SULF1: variants seen among roughly 807,000 people sequenced by gnomAD.
The protein encoded by SULF1 is extracellular sulfatase Sulf-1.
SULF1 carries 46 observed loss-of-function variants against 110.5 expected under a neutral mutation model. The ratio of observed to expected loss-of-function variants is 0.42; its 90% CI spans 0.33 to 0.53. The LOEUF (loss-of-function observed/expected upper bound fraction) is 0.53. SULF1 is among the 20% of genes least tolerant of loss of function. SULF1 has a pLI of 0.12. For missense variants in SULF1, 941 were observed against 1,094.2 expected (o/e 0.86, Z 1.98); for synonymous variants, 371 against 387.1 (o/e 0.96, Z 0.49).
intron 1 of SULF1, among the ~76,000 whole-genome samples, chr8:69,482,383 G>A (rs1233325968): frequency 6.6e-6 from 1 of 151,944 alleles, no homozygotes; most frequent in African/African-American, 2.4e-5. Context: ...ATTTCATTTG[G>A]TTTTGACAAC....
At chr8:69,575,919 G>A (rs778290662) in intron 5 of SULF1, 51 bp from the exon 6 acceptor site, 1 of 1,591,360 alleles carries the variant, frequency 6.3e-7, no homozygotes, top group Admixed American at 1.7e-5. Context: ...AATCGAAATA[G>A]GCATTCATGT....
chr8:69,506,963 G>A (rs985711683), intron 3 of SULF1, among the ~76,000 whole-genome samples: 3 of 152,216 alleles, frequency 2.0e-5, no homozygotes, highest in South Asian at 4.1e-4. Flanking sequence ...TTACTTTGCG[G>A]TGATGCTCTC....
chr8:69,621,048 T>C lies in SULF1; in HGVS notation c.1391T>C (p.Ile464Thr). 1.2e-6 allele frequency: 2 copies of C among 1,609,062 alleles called. No homozygotes were observed. Among genetic ancestry groups the C allele is most frequent in the African/African-American group, 1.3e-5 (1 of 74,962 alleles). Residue 464 changes from isoleucine to threonine, a missense_variant, in exon 14 of 23, where the codon ATT becomes ACT. Transcript: ENST00000402687. The part of the protein sequence containing the change: ...CEQPGQKWQC[I>T]EDTSGKLRIH... Reference sequence around the variant, plus strand: ...TGGCTTTTGCAGAAGTGGCAATGCATTGAGGATACATCTGGCAAGCTTCGA... The same window carrying C: ...TGGCTTTTGCAGAAGTGGCAATGCACTGAGGATACATCTGGCAAGCTTCGA...
intron 1 of SULF1, chr8:69,473,411 ACT>A (rs1371351144): frequency 2.0e-5 from 3 of 152,124 alleles, no homozygotes; most frequent in African/African-American, 7.2e-5. Flanking sequence ...TAAAAGGTAG[ACT>A]CTCTCAAAAT....
intron 3 of SULF1, among the ~76,000 whole-genome samples, chr8:69,541,320 T>G (rs914390931): frequency 2.0e-5 from 3 of 152,198 alleles, no homozygotes; most frequent in Non-Finnish European, 2.9e-5. Context: ...AACATGGCAC[T>G]TCCCCTGAGA....
At chr8:69,495,643 C>T (rs1387982032) in intron 1 of SULF1, 122 bp from the exon 2 acceptor site, 1 of 152,210 alleles carries the variant, frequency 6.6e-6, no homozygotes, top group Admixed American at 6.5e-5. Context: ...ATTTTTACTT[C>T]TTCAGAGACT....
At chr8:69,521,230 C>T (rs559363673) in intron 3 of SULF1, among the ~76,000 whole-genome samples, 1 of 152,202 alleles carries the variant, frequency 6.6e-6, no homozygotes, top group African/African-American at 2.4e-5. Flanking sequence ...ATTTGTTGGG[C>T]ACCTACTACA....
chr8:69,646,868 A>G lies in SULF1; in HGVS notation c.2585+6027A>G, dbSNP rs188025561. ...CCTGAAAAGTAAGCCCTGAATTCAT[A>G]TTATTGTATGACTGAAGTTTGATAA... is the stretch of plus-strand genomic sequence containing the variant. On this transcript the variant is annotated intron_variant, in intron 22 of 22. Transcript: ENST00000402687. Among the ~76,000 whole-genome samples, 23 of 151,396 alleles carry G rather than the reference A, an allele frequency of 1.5e-4. No homozygotes were observed. The East Asian group carries it at 4.3e-3, about 28-fold the overall frequency.
At chr8:69,571,111 C>G (rs780344309) in intron 5 of SULF1, among the ~76,000 whole-genome samples, 41 of 152,216 alleles carry the variant, frequency 2.7e-4, no homozygotes, top group Non-Finnish European at 5.4e-4. Flanking sequence ...AAACCAATAT[C>G]AACATTTTAA....
At chr8:69,642,908 TAATC>T (rs1468262144) in intron 22 of SULF1, among the ~76,000 whole-genome samples, 4 of 152,190 alleles carry the variant, frequency 2.6e-5, no homozygotes, top group African/African-American at 9.6e-5. Flanking sequence ...ATCGGCCAGA[TAATC>T]AATTGTTTCT....
At chr8:69,528,840 T>G (rs940960395) in intron 3 of SULF1, among the ~76,000 whole-genome samples, 1 of 152,190 alleles carries the variant, frequency 6.6e-6, no homozygotes, top group South Asian at 2.1e-4. Flanking sequence ...TAGTTCCCTG[T>G]CTGTTTTAGG....
intron 19 of SULF1, among the ~76,000 whole-genome samples, chr8:69,634,137 A>G (rs1049966505): frequency 1.5e-4 from 23 of 152,144 alleles, no homozygotes; most frequent in Admixed American, 5.2e-4. Context: ...CTTCACCTGT[A>G]TTTGATCTAA....
intron 6 of SULF1, 33 bp from the exon 7 acceptor site, chr8:69,586,324 C>T (rs771861078): frequency 1.0e-5 from 16 of 1,533,828 alleles, no homozygotes; most frequent in South Asian, 2.5e-5. Flanking sequence ...AATCATTTTA[C>T]GTGAAAAAAA....
chr8:69,596,168 A>G (rs73683995), intron 8 of SULF1, among the ~76,000 whole-genome samples: 114 of 152,284 alleles, frequency 7.5e-4, no homozygotes, highest in African/African-American at 2.5e-3. Context: ...CTAAACTTTT[A>G]TATATGGGAA....
At chr8:69,467,599 C>T (rs903008314) in intron 1 of SULF1, among the ~76,000 whole-genome samples, 7 of 152,180 alleles carry the variant, frequency 4.6e-5, no homozygotes, top group African/African-American at 1.7e-4. Flanking sequence ...TTTAACATAG[C>T]CCTCTTGCAG....
intron 3 of SULF1, among the ~76,000 whole-genome samples, chr8:69,560,560 A>G (rs554907015): frequency 6.6e-6 from 1 of 152,324 alleles, no homozygotes; most frequent in South Asian, 2.1e-4. Flanking sequence ...CTCACTCTGT[A>G]TGTATAAGAA....
rs144979058 is a variant in SULF1, at chr8:69,589,996, C to T, written c.734+855C>T. ...GGTATCTGTTTCCTATATTGTGAAA[C>T]CTCCAAAATTGGTTCTTAATCTATT... On this transcript the variant is annotated intron_variant, in intron 8 of 22. Transcript: ENST00000402687. Among the ~76,000 whole-genome samples the T allele has an allele frequency of 4.7e-3, 721 of 152,242 alleles. 3 individuals are homozygous for T. Among genetic ancestry groups the T allele is most frequent in the Non-Finnish European group, 6.1e-3 (418 of 68,004 alleles).
intron 5 of SULF1, among the ~76,000 whole-genome samples, chr8:69,572,271 C>A (rs1418544700): frequency 6.6e-6 from 1 of 152,144 alleles, no homozygotes; most frequent in Non-Finnish European, 1.5e-5. Context: ...GGGAAGACTG[C>A]CTGCATTTAC....
At chr8:69,634,032 A>C (rs1563613879) in intron 19 of SULF1, among the ~76,000 whole-genome samples, 1 of 152,194 alleles carries the variant, frequency 6.6e-6, no homozygotes, top group Non-Finnish European at 1.5e-5. Flanking sequence ...CATATAAATA[A>C]TATGTTATAA....
Sources: allele counts gnomAD v4.1 joint callset (sites outside exome capture counted in the v4.1 genomes callset), GRCh38; gene constraint gnomAD v4.1.1; transcripts MANE v1.5; gene names NCBI Gene and HGNC (gene_info 2026-07-23, HGNC 2026-07-21).